Variants in ZC3H12B observed in about 807,000 individuals in gnomAD.
The protein encoded by ZC3H12B is probable ribonuclease ZC3H12B.
Under a neutral mutation model 43.9 loss-of-function variants are expected in ZC3H12B, and 7 were observed. The ratio of observed to expected loss-of-function variants is 0.16; its 90% confidence interval spans 0.09 to 0.30. The LOEUF is 0.30. Ranked by LOEUF, ZC3H12B falls within the 10% of genes least tolerant of loss-of-function variation. ZC3H12B has a pLI of 1.00. For synonymous variants in ZC3H12B, 222 were observed against 241.7 expected (o/e 0.92, Z 0.76); for missense variants, 475 against 670.2 (o/e 0.71, Z 3.22).
chrX:65,093,093 C>T, the ZC3H12B span, among the ~76,000 whole-genome samples: 2 of 112,049 alleles, frequency 1.8e-5, no homozygotes, highest in Non-Finnish European at 3.8e-5. Flanking sequence ...GGCCCAGGTG[C>T]AGCTTGGGTC....
chrX:65,097,527 A>G, the ZC3H12B span, among the ~76,000 whole-genome samples: 2 of 111,707 alleles, frequency 1.8e-5, no homozygotes, highest in Non-Finnish European at 3.8e-5. Context: ...TCAAAGTCCT[A>G]TCAGCCATTT....
rs1184301927 is a variant in ZC3H12B, at chrX:65,398,698, C to CA, written n.402dup. On this transcript the variant is annotated non_coding_transcript_exon_variant, in exon 3 of 6. It removes the in-frame stop codon of an upstream open reading frame in the 5' UTR. Coordinates refer to the ZC3H12B transcript ENST00000617377. ...CCAGTCATGCTTCCTGTTAAGCCTGCAGAACTGTGAGTCAATTTAACCTTT... is the reference window on the plus strand; with the variant it reads ...CCAGTCATGCTTCCTGTTAAGCCTGCAAGAACTGTGAGTCAATTTAACCTTT... The CA allele has an allele frequency of 2.7e-5, 3 of 112,088 alleles. No individual in the cohort carries two copies. Among genetic ancestry groups the CA allele is most frequent in the Non-Finnish European group, 5.6e-5 (3 of 53,228 alleles). The allele number at this position is 112,088 out of a possible 1,213,427, so 9.2% of individuals were successfully genotyped here.
At chrX:65,120,904 T>A in the ZC3H12B span, among the ~76,000 whole-genome samples, 1,153 of 111,895 alleles carry the variant, frequency 0.01, 13 homozygotes, top group African/African-American at 0.035. Context: ...TTTATTGAGA[T>A]AATCATGTGG....
At chrX:65,111,179 A>T in the ZC3H12B span, among the ~76,000 whole-genome samples, 32 of 110,827 alleles carry the variant, frequency 2.9e-4, no homozygotes, top group East Asian at 7.7e-3. Flanking sequence ...GCTAATAGGG[A>T]TACTATTATT....
chrX:65,174,760 C>T, the ZC3H12B span, among the ~76,000 whole-genome samples: 1 of 111,651 alleles, frequency 9.0e-6, no homozygotes, highest in South Asian at 3.7e-4. Flanking sequence ...CTTCAGACTG[C>T]TGTGCTCGCA....
At chrX:65,458,984 G>T (rs1194045605) in intron 3 of ZC3H12B, among the ~76,000 whole-genome samples, 4 of 94,292 alleles carry the variant, frequency 4.2e-5, no homozygotes, top group Non-Finnish European at 8.4e-5. Flanking sequence ...AAGAAGAAAA[G>T]AGAGAAGAAT....
the ZC3H12B span, among the ~76,000 whole-genome samples, chrX:65,051,576 A>G: frequency 8.9e-6 from 1 of 112,070 alleles, no homozygotes; most frequent in Non-Finnish European, 1.9e-5. Context: ...TTTAAAAAGC[A>G]TATGAACAAA....
intron 3 of ZC3H12B, among the ~76,000 whole-genome samples, chrX:65,436,340 G>T (rs779027061): frequency 7.1e-5 from 8 of 112,151 alleles, no homozygotes; most frequent in Non-Finnish European, 1.5e-4. Flanking sequence ...AAACCACAAG[G>T]CCCAATGTCC....
At chrX:65,154,308 AT>A in the ZC3H12B span, among the ~76,000 whole-genome samples, 1 of 112,033 alleles carries the variant, frequency 8.9e-6, no homozygotes, top group Non-Finnish European at 1.9e-5. Flanking sequence ...CTTTTGTTAA[AT>A]TTTTTCCTAC....
chrX:65,121,923 G>A, the ZC3H12B span, among the ~76,000 whole-genome samples: 1 of 111,530 alleles, frequency 9.0e-6, no homozygotes. Flanking sequence ...TCATTCAGGA[G>A]CAGGTTGTTC....
At chrX:65,343,907 G>T in the ZC3H12B span, among the ~76,000 whole-genome samples, 1 of 111,665 alleles carries the variant, frequency 9.0e-6, no homozygotes, top group Non-Finnish European at 1.9e-5. Context: ...AGATGATATG[G>T]TTATACATCT....
chrX:65,337,016 G>A, the ZC3H12B span, among the ~76,000 whole-genome samples: 1 of 112,258 alleles, frequency 8.9e-6, no homozygotes, highest in East Asian at 2.8e-4. Flanking sequence ...ATATTTGGAA[G>A]GACTATAATG....
intron 3 of ZC3H12B, among the ~76,000 whole-genome samples, chrX:65,440,786 C>G (rs1158658316): frequency 8.9e-6 from 1 of 112,020 alleles, no homozygotes; most frequent in Non-Finnish European, 1.9e-5. Context: ...CTTCATTTAC[C>G]TGATTTTTTC....
chrX:65,497,433 T>A (rs866739989), intron 2 of ZC3H12B, among the ~76,000 whole-genome samples, 162 bp downstream of exon 7: 2 of 113,003 alleles, frequency 1.8e-5, no homozygotes, highest in South Asian at 3.6e-4. Context: ...AAAGTCATCA[T>A]TATTTTGTAG....
At chrX:65,373,170 C>A (rs988562612) in intron 2 of ZC3H12B, among the ~76,000 whole-genome samples, 1 of 112,195 alleles carries the variant, frequency 8.9e-6, no homozygotes, top group African/African-American at 3.2e-5. Context: ...TATGTAAAAC[C>A]ATTTTGTAAA....
intron 3 of ZC3H12B, among the ~76,000 whole-genome samples, chrX:65,417,352 C>A (rs2066973621): frequency 8.9e-6 from 1 of 112,305 alleles, no homozygotes. Flanking sequence ...TAAAAGATGT[C>A]ATTTTCTCCT....
intron 3 of ZC3H12B, among the ~76,000 whole-genome samples, chrX:65,452,303 C>T (rs186830223): frequency 9.0e-6 from 1 of 111,444 alleles, no homozygotes; most frequent in African/African-American, 3.3e-5. Context: ...CTCCAAAAAG[C>T]TGCTAGAACT....
chrX:65,152,676 T>C, the ZC3H12B span, among the ~76,000 whole-genome samples: 3 of 111,132 alleles, frequency 2.7e-5, no homozygotes, highest in Non-Finnish European at 5.7e-5. Context: ...AATTTATAGA[T>C]TCAATGCCAT....
chrX:65,211,844 A>G, the ZC3H12B span, among the ~76,000 whole-genome samples: 1 of 79,514 alleles, frequency 1.3e-5, no homozygotes, highest in Non-Finnish European at 2.2e-5. Flanking sequence ...TATAATATAT[A>G]ATATATGTTA....
Sources: gnomAD v4.1 joint callset for allele counts (sites outside exome capture counted in the v4.1 genomes callset) on GRCh38, gnomAD v4.1.1 for gene constraint, MANE v1.5 for transcripts, NCBI Gene and HGNC (gene_info 2026-07-23, HGNC 2026-07-21) for gene names.